The following AKAP12 variants were observed in gnomAD, a reference collection of about 807,000 sequenced individuals.
The protein encoded by AKAP12 is A-kinase anchor protein 12.
A neutral mutation model predicts 79.9 loss-of-function variants in AKAP12; 32 were observed. The observed-to-expected ratio is 0.40, with a 90% CI of 0.30 to 0.54. The LOEUF is 0.54. AKAP12 is among the 20% of genes least tolerant of loss of function. AKAP12 has a pLI of 0.48. For missense variants in AKAP12, 2,074 were observed against 2,177.0 expected, an observed-to-expected ratio of 0.95 and a Z score of 0.94; for synonymous variants, 808 against 857.0, an observed-to-expected ratio of 0.94 and a Z score of 1.00.
Position 151,353,384 on chromosome 6 carries a change from G to A in AKAP12, c.4993G>A (p.Glu1665Lys), listed in dbSNP as rs1168962620. Residue 1665 changes from glutamate (E) to lysine (K), a missense_variant, in exon 4 of 5, where the codon GAA becomes AAA. This residue lies in a region of AKAP12 where 614 missense variants were observed against 665.6 expected (regional missense o/e 0.92). Transcript: ENST00000402676. ...GGAAGAGGTCGTCCTCCCATCTGAG[G>A]AAGAGGGAGGTGGAGCTGGAACAAA... ...QLEEVVLPSE[E>K]EGGGAGTKSV... The A allele has an allele frequency of 2.5e-6, 4 of 1,614,074 alleles. No homozygotes were observed. The highest frequency in any genetic ancestry group is 3.4e-6 in the Non-Finnish European group (4 of 1,180,030).
At chr6:151,334,566 G>C (rs1777762604) in intron 3 of AKAP12, among the ~76,000 whole-genome samples, 1 of 151,146 alleles carries the variant, frequency 6.6e-6, no homozygotes. Flanking sequence ...CTGTACTCCA[G>C]CCTGGGCGAC....
intron 3 of AKAP12, among the ~76,000 whole-genome samples, chr6:151,342,462 A>G (rs967445038): frequency 2.0e-5 from 3 of 152,126 alleles, no homozygotes; most frequent in Non-Finnish European, 2.9e-5. Context: ...GATGTGATAG[A>G]AGCGGTATTT....
At chr6:151,265,375 G>A (rs1279670695) in intron 2 of AKAP12, among the ~76,000 whole-genome samples, 1 of 152,206 alleles carries the variant, frequency 6.6e-6, no homozygotes, top group Non-Finnish European at 1.5e-5. Context: ...TAACTGGTCT[G>A]ACTTATGTTC....
chr6:151,323,991 T>C (rs1777462149), intron 3 of AKAP12: 1 of 985,272 alleles, frequency 1.0e-6, no homozygotes, highest in South Asian at 4.7e-5. Flanking sequence ...GTCGTCTTTA[T>C]CCATGATTTG....
intron 3 of AKAP12, among the ~76,000 whole-genome samples, chr6:151,318,464 T>C (rs12210237): frequency 0.2 from 30,434 of 152,188 alleles, 3,361 homozygotes; most frequent in East Asian, 0.33. Context: ...TCTTTGTCAG[T>C]GTTATCTTGA....
At chr6:151,325,578 G>A in intron 3 of AKAP12, 1 of 1,326,584 alleles carries the variant, frequency 7.5e-7, no homozygotes, top group South Asian at 1.7e-5. Flanking sequence ...CTGGAGCTCA[G>A]CAAGGGAGGG....
intron 3 of AKAP12, chr6:151,324,345 C>T (rs956377937): frequency 1.0e-6 from 1 of 985,300 alleles, no homozygotes; most frequent in African/African-American, 1.7e-5. Flanking sequence ...ATTTTTGTAA[C>T]AAGGTCTGGT....
intron 3 of AKAP12, among the ~76,000 whole-genome samples, chr6:151,309,589 T>G (rs1440921796): frequency 6.6e-6 from 1 of 152,182 alleles, no homozygotes; most frequent in African/African-American, 2.4e-5. Flanking sequence ...TTCTGCTTCT[T>G]TGTAAACTTT....
At chr6:151,312,289 A>C (rs1050532576) in intron 3 of AKAP12, among the ~76,000 whole-genome samples, 1 of 150,604 alleles carries the variant, frequency 6.6e-6, no homozygotes, top group African/African-American at 2.4e-5. Flanking sequence ...TGGGAAGCAT[A>C]GTGAGACCCT....
chr6:151,328,550 T>C (rs1777590736), intron 3 of AKAP12, among the ~76,000 whole-genome samples: 1 of 150,878 alleles, frequency 6.6e-6, no homozygotes, highest in South Asian at 2.1e-4. Flanking sequence ...GGCAGGAGAA[T>C]TGCTTGAACC....
chr6:151,259,180 G>A (rs1371291542), intron 2 of AKAP12, among the ~76,000 whole-genome samples: 2 of 151,178 alleles, frequency 1.3e-5, no homozygotes, highest in Admixed American at 6.6e-5. Context: ...AAGTAGCTGG[G>A]ATTACAGGCG....
chr6:151,308,448 A>G (rs1050893255), intron 3 of AKAP12, among the ~76,000 whole-genome samples: 1 of 151,952 alleles, frequency 6.6e-6, no homozygotes, highest in African/African-American at 2.4e-5. Context: ...CCTGACCTCA[A>G]GTGATCCGCC....
intron 2 of AKAP12, among the ~76,000 whole-genome samples, chr6:151,288,047 C>T (rs1025676030): frequency 1.3e-5 from 2 of 151,040 alleles, no homozygotes; most frequent in South Asian, 4.2e-4. Flanking sequence ...GGGAACATCA[C>T]ACACCGGGGC....
chr6:151,244,253 G>A (rs1186327863), intron 2 of AKAP12, among the ~76,000 whole-genome samples: 4 of 152,158 alleles, frequency 2.6e-5, no homozygotes, highest in Admixed American at 6.5e-5. Context: ...GGCCGGGTGC[G>A]GTGGCTCACG....
chr6:151,329,363 G>A (rs1562741929), intron 3 of AKAP12, among the ~76,000 whole-genome samples: 1 of 152,084 alleles, frequency 6.6e-6, no homozygotes, highest in Non-Finnish European at 1.5e-5. Context: ...TGATCCACCC[G>A]CCTCAGCCTC....
chr6:151,330,617 C>T (rs796401450), intron 3 of AKAP12, among the ~76,000 whole-genome samples: 20 of 152,158 alleles, frequency 1.3e-4, no homozygotes, highest in African/African-American at 4.1e-4. Flanking sequence ...TCTGCAGTAT[C>T]GTACTTCTTT....
Position 151,275,193 on chromosome 6 carries a change from A to G in AKAP12, c.163-30554A>G, listed in dbSNP as rs149445404. 1.1e-4 allele frequency among the ~76,000 whole-genome samples: 17 copies of G among 152,192 alleles called. No homozygotes were observed. The East Asian group carries it at 1.2e-3, about 10-fold the overall frequency. ...GTGGTGACACTGGTTGTACTCCCCA[A>G]CCACTGTTTCTGTTCCCCAGCAAGG... On this transcript the variant is annotated intron_variant, in intron 2 of 4. Transcript: ENST00000402676.
intron 3 of AKAP12, among the ~76,000 whole-genome samples, chr6:151,331,868 G>A (rs1431583624): frequency 6.9e-6 from 1 of 144,748 alleles, no homozygotes; most frequent in African/African-American, 2.6e-5. Flanking sequence ...CTGGACGACA[G>A]AGCGAGACTC....
At chr6:151,336,189 T>C (rs1366752128) in intron 3 of AKAP12, among the ~76,000 whole-genome samples, 2 of 152,188 alleles carry the variant, frequency 1.3e-5, no homozygotes, top group Non-Finnish European at 2.9e-5. Context: ...TTGGGTTGGT[T>C]CCATGACTTT....
Sources: gnomAD v4.1 joint callset for allele counts (sites outside exome capture counted in the v4.1 genomes callset) on GRCh38, gnomAD v4.1.1 for gene constraint, gnomAD v4.1.1 regional missense constraint, MANE v1.5 for transcripts, NCBI Gene and HGNC (gene_info 2026-07-23, HGNC 2026-07-21) for gene names.